The following GFOD1 variants were observed in gnomAD, a reference collection of about 807,000 sequenced individuals.
The protein encoded by GFOD1 is Gfo/Idh/MocA-like oxidoreductase domain containing 1.
A neutral mutation model predicts 25.4 loss-of-function variants in GFOD1; 9 were observed. The observed-to-expected ratio is 0.35, with a 90% CI of 0.21 to 0.62. The LOEUF (loss-of-function observed/expected upper bound fraction) is 0.62. GFOD1 is among the 20% of genes least tolerant of loss of function. GFOD1 has a pLI of 0.72. For missense variants in GFOD1, 403 were observed against 556.9 expected, an observed-to-expected ratio of 0.72 and a Z score of 2.78; for synonymous variants, 253 against 245.6, an observed-to-expected ratio of 1.03 and a Z score of -0.28.
chr6:13,370,713 G>A (rs969695297), intron 1 of GFOD1, among the ~76,000 whole-genome samples: 4 of 111,004 alleles, frequency 3.6e-5, no homozygotes, highest in Non-Finnish European at 5.8e-5. Flanking sequence ...ATGTGTTTAT[G>A]TGTGTGTGTG....
chr6:13,469,858 G>A, intron 1 of GFOD1: 1 of 1,186,710 alleles, frequency 8.4e-7, no homozygotes. Context: ...ACGTAAATGA[G>A]TAACACTCGT....
chr6:13,396,832 C>T (rs997888999), intron 1 of GFOD1, among the ~76,000 whole-genome samples: 11 of 152,180 alleles, frequency 7.2e-5, no homozygotes, highest in African/African-American at 2.4e-4. Context: ...GCCCTGCCAG[C>T]ACACTGAATT....
At chr6:13,392,343 C>CAAAAAAAA (rs1035923592) in intron 1 of GFOD1, among the ~76,000 whole-genome samples, 3 of 61,448 alleles carry the variant, frequency 4.9e-5, no homozygotes, top group Admixed American at 2.0e-4. Flanking sequence ...GACCCTATCT[C>CAAAAAAAA]AAAAAAAAAA....
At chr6:13,419,253 G>A (rs1786213829) in intron 1 of GFOD1, among the ~76,000 whole-genome samples, 1 of 152,178 alleles carries the variant, frequency 6.6e-6, no homozygotes, top group Admixed American at 6.5e-5. Context: ...GAGATCTGGA[G>A]ATCAAGATTC....
At chr6:13,418,786 C>T (rs1786203341) in intron 1 of GFOD1, among the ~76,000 whole-genome samples, 1 of 152,200 alleles carries the variant, frequency 6.6e-6, no homozygotes, top group Non-Finnish European at 1.5e-5. Flanking sequence ...TGTTGCCACA[C>T]ACCTGGCCAA....
chr6:13,423,455 A>G (rs1562214558), intron 1 of GFOD1, among the ~76,000 whole-genome samples: 1 of 152,214 alleles, frequency 6.6e-6, no homozygotes, highest in Non-Finnish European at 1.5e-5. Flanking sequence ...CCAATGACAG[A>G]TGAAACTCAT....
intron 1 of GFOD1, among the ~76,000 whole-genome samples, chr6:13,439,207 TAAG>T (rs1251911723): frequency 5.3e-5 from 8 of 150,642 alleles, no homozygotes; most frequent in Non-Finnish European, 7.4e-5. Flanking sequence ...CTTATCACAA[TAAG>T]AAGGAGAATC....
chr6:13,468,117 A>C (rs1482637000), intron 1 of GFOD1, among the ~76,000 whole-genome samples: 1 of 152,146 alleles, frequency 6.6e-6, no homozygotes, highest in Non-Finnish European at 1.5e-5. Flanking sequence ...AGAAGAAAAA[A>C]ATTTATAATC....
intron 1 of GFOD1, among the ~76,000 whole-genome samples, chr6:13,446,768 T>C (rs1352962430): frequency 6.6e-6 from 1 of 152,214 alleles, no homozygotes; most frequent in Non-Finnish European, 1.5e-5. Flanking sequence ...ATCCCACTCA[T>C]CTGTCCTGCT....
chr6:13,418,876 T>A (rs1390372794), intron 1 of GFOD1, among the ~76,000 whole-genome samples: 6 of 152,120 alleles, frequency 3.9e-5, no homozygotes, highest in African/African-American at 1.4e-4. Flanking sequence ...CACTGGGAAA[T>A]GTTTCTCAGT....
chr6:13,427,607 T>C (rs1244911881), intron 1 of GFOD1, among the ~76,000 whole-genome samples: 1 of 152,158 alleles, frequency 6.6e-6, no homozygotes, highest in African/African-American at 2.4e-5. Context: ...GCTGTGATTG[T>C]ACCACTGCAT....
At chr6:13,468,016 C>T (rs929792873) in intron 1 of GFOD1, among the ~76,000 whole-genome samples, 1 of 152,142 alleles carries the variant, frequency 6.6e-6, no homozygotes, top group Non-Finnish European at 1.5e-5. Flanking sequence ...GAGAGTCACC[C>T]CAACCAAACC....
chr6:13,424,843 T>C (rs1786324510), intron 1 of GFOD1, among the ~76,000 whole-genome samples: 1 of 151,940 alleles, frequency 6.6e-6, no homozygotes. Context: ...GGACAAATCA[T>C]ATAAACATTA....
chr6:13,400,683 T>A (rs1584629330), intron 1 of GFOD1, among the ~76,000 whole-genome samples: 1 of 152,240 alleles, frequency 6.6e-6, no homozygotes, highest in Non-Finnish European at 1.5e-5. Flanking sequence ...TAAGCTCTGC[T>A]TGGACCCTAG....
chr6:13,478,590 C>A (rs1758679367), intron 1 of GFOD1, among the ~76,000 whole-genome samples: 1 of 152,240 alleles, frequency 6.6e-6, no homozygotes, highest in Non-Finnish European at 1.5e-5. Flanking sequence ...ATGTATCCCC[C>A]ACACCGTGGG....
At chr6:13,403,205 A>C (rs755367687) in intron 1 of GFOD1, among the ~76,000 whole-genome samples, 3 of 150,904 alleles carry the variant, frequency 2.0e-5, no homozygotes, top group Non-Finnish European at 4.4e-5. Flanking sequence ...AGCTCACTGC[A>C]ACCTCTACCT....
rs1052137810 is a variant in GFOD1 at position 13,408,962 on chromosome 6, G to A, written c.254-43300C>T. On this transcript the variant is annotated intron_variant, in intron 1 of 1. Transcript: ENST00000379287. Reference sequence around the variant, plus strand: ...TAGCCAGGTATGGTGGCATGTGCCTGTAATCCCAAGTACTTGCAAGGCTGA... The same window carrying A: ...TAGCCAGGTATGGTGGCATGTGCCTATAATCCCAAGTACTTGCAAGGCTGA... 2.6e-5 allele frequency among the ~76,000 whole-genome samples: 4 copies of A among 151,760 alleles called. No individual in the cohort carries two copies. In the South Asian group the frequency reaches 8.3e-4, roughly 32 times the overall value.
At chr6:13,427,287 A>C (rs1208769316) in intron 1 of GFOD1, among the ~76,000 whole-genome samples, 1 of 152,200 alleles carries the variant, frequency 6.6e-6, no homozygotes, top group African/African-American at 2.4e-5. Context: ...CTGTTATCCA[A>C]ATGGTCAAAA....
chr6:13,460,190 T>C (rs1470141881), intron 1 of GFOD1, among the ~76,000 whole-genome samples: 3 of 151,954 alleles, frequency 2.0e-5, no homozygotes, highest in Non-Finnish European at 4.4e-5. Flanking sequence ...TGTGGAGAAA[T>C]AGGAACACTT....
Sources: gnomAD v4.1 joint callset for allele counts (sites outside exome capture counted in the v4.1 genomes callset) on GRCh38, gnomAD v4.1.1 for gene constraint, MANE v1.5 for transcripts, NCBI Gene and HGNC (gene_info 2026-07-23, HGNC 2026-07-21) for gene names.